The following PTPRA variants were observed in gnomAD, a reference collection of about 807,000 sequenced individuals.
PTPRA encodes the protein protein tyrosine phosphatase receptor type A.
PTPRA carries 25 observed loss-of-function variants against 104.8 expected under a neutral mutation model. The ratio of observed to expected loss-of-function variants is 0.24; its 90% CI spans 0.17 to 0.33. The LOEUF is 0.33. Ranked by LOEUF, PTPRA falls within the 10% of genes least tolerant of loss-of-function variation. The pLI is 1.00. For missense variants in PTPRA, 765 were observed against 1,015.3 expected (o/e 0.75, Z 3.35); for synonymous variants, 323 against 368.9 (o/e 0.88, Z 1.43).
At chr20:2,968,634 C>T (rs2062034276) in intron 5 of PTPRA, among the ~76,000 whole-genome samples, 1 of 152,114 alleles carries the variant, frequency 6.6e-6, no homozygotes, top group Non-Finnish European at 1.5e-5. Context: ...CAAAGGCCAG[C>T]TAGGCACAGT....
intron 1 of PTPRA, among the ~76,000 whole-genome samples, chr20:2,915,587 G>A (rs1054991064): frequency 1.3e-5 from 2 of 152,066 alleles, no homozygotes; most frequent in Admixed American, 6.6e-5. Flanking sequence ...AAATTTTGAC[G>A]AATTCCAATT....
intron 1 of PTPRA, among the ~76,000 whole-genome samples, chr20:2,919,262 T>G (rs1179213696): frequency 6.6e-6 from 1 of 152,236 alleles, no homozygotes; most frequent in Non-Finnish European, 1.5e-5. Context: ...GTGGGCCATG[T>G]CTGCCTGAGC....
At chr20:3,026,974 CA>C in intron 18 of PTPRA, 146 bp from the exon 19 acceptor site, 1 of 1,021,828 alleles carries the variant, frequency 9.8e-7, no homozygotes, top group Non-Finnish European at 1.5e-6. Flanking sequence ...ACGTAAAAGC[CA>C]AAGGCTTTCT....
intron 13 of PTPRA, among the ~76,000 whole-genome samples, chr20:3,018,650 C>G (rs1221181527): frequency 1.3e-5 from 2 of 151,718 alleles, no homozygotes; most frequent in South Asian, 2.1e-4. Flanking sequence ...GGCAACCATC[C>G]GATTTCTCAA....
intron 19 of PTPRA, 71 bp downstream of exon 19, chr20:3,027,268 C>G (rs996903501): frequency 3.5e-6 from 5 of 1,422,112 alleles, no homozygotes; most frequent in Admixed American, 1.7e-5. Flanking sequence ...CAGTGCCTCC[C>G]TCCCATACCT....
intron 6 of PTPRA, among the ~76,000 whole-genome samples, chr20:2,977,491 CA>C (rs2062485370): frequency 6.6e-6 from 1 of 151,548 alleles, no homozygotes; most frequent in Non-Finnish European, 1.5e-5. Context: ...ACTAAAAATA[CA>C]AAAATTAACC....
In PTPRA at chr20:2,950,573, G is replaced by A. The variant is rs1297072900; in HGVS notation, c.-7+2549G>A. On this transcript the variant is annotated intron_variant, in intron 3 of 23. Transcript: ENST00000399903. The surrounding 1 kb of genome is among the most constrained non-coding windows in gnomAD (Gnocchi z 4.0). Reference sequence around the variant, plus strand: ...CAGGAGAATGGCGTGAACCCAGGAGGCGGAGGTTGCAGTGAGCCGAGATCG... The same window carrying A: ...CAGGAGAATGGCGTGAACCCAGGAGACGGAGGTTGCAGTGAGCCGAGATCG... 6.6e-6 allele frequency among the ~76,000 whole-genome samples: 1 copy of A among 151,794 alleles called. No individual in the cohort carries two copies. Among genetic ancestry groups the A allele is most frequent in the African/African-American group, 2.4e-5 (1 of 41,324 alleles).
chr20:3,002,337 T>TC (rs1449992706), intron 9 of PTPRA, among the ~76,000 whole-genome samples: 1 of 150,410 alleles, frequency 6.6e-6, no homozygotes, highest in Admixed American at 6.6e-5. Context: ...TTTTTTTTTT[T>TC]TTTTTTGAGA....
rs2065216355 is a variant in PTPRA, at chr20:3,027,720, A to C, written c.1799A>C (p.Lys600Thr). 6.2e-7 allele frequency: 1 copy of C among 1,613,954 alleles called. No individual in the cohort carries two copies. Among genetic ancestry groups the C allele is most frequent in the African/African-American group, 1.3e-5 (1 of 74,920 alleles). ...TGGCCTGTGCAGGGCTACCGGCAGAAGGACTCCTATATCGCCAGCCAGGGC... is the reference window on the plus strand; with the variant it reads ...TGGCCTGTGCAGGGCTACCGGCAGACGGACTCCTATATCGCCAGCCAGGGC... Reference protein sequence around the residue: ...NASFIDGYRQKDSYIASQGPL... With the variant: ...NASFIDGYRQTDSYIASQGPL... The change falls in exon 20 of 24, where the codon AAG becomes ACG. Residue 600 changes from lysine (K) to threonine (T), a missense_variant. By Grantham distance (78) the Lys-to-Thr change is moderately conservative. Transcript: ENST00000399903.
chr20:3,034,281 A>G (rs1405977768), intron 20 of PTPRA, among the ~76,000 whole-genome samples: 1 of 152,162 alleles, frequency 6.6e-6, no homozygotes, highest in East Asian at 1.9e-4. Context: ...AAAAGAAAAA[A>G]AAAATGAGAC....
chr20:2,909,963 GATATATATATAATCTATCATATATC>G (rs2059587654), intron 1 of PTPRA, among the ~76,000 whole-genome samples: 2 of 113,450 alleles, frequency 1.8e-5, no homozygotes, highest in African/African-American at 8.0e-5. Context: ...TATAATATAT[GATATATATATAATCTATCATATATC>G]ATATATATAA....
chr20:3,013,977 A>G (rs2064309646), intron 11 of PTPRA, among the ~76,000 whole-genome samples: 1 of 152,222 alleles, frequency 6.6e-6, no homozygotes, highest in South Asian at 2.1e-4. Flanking sequence ...TGGGGCAGGA[A>G]GCACTTTGGG....
In PTPRA at chr20:3,003,503, T is replaced by C. The variant is rs553252562; in HGVS notation, c.739-1553T>C. Among the ~76,000 whole-genome samples the C allele has an allele frequency of 7.9e-5, 12 of 152,260 alleles. No homozygotes were observed. In the South Asian group the frequency reaches 2.3e-3, roughly 29 times the overall value. On this transcript the variant is annotated intron_variant, in intron 9 of 23. Coordinates refer to ENST00000399903, the MANE Select transcript of PTPRA (RefSeq NM_001385305.1). Reference sequence around the variant, plus strand: ...AAAATGTAATTTCCAAGTCACTTACTCGGAATTAGTGTTGGAATTTTAAAG... The same window carrying C: ...AAAATGTAATTTCCAAGTCACTTACCCGGAATTAGTGTTGGAATTTTAAAG...
chr20:2,866,880 C>T, the PTPRA span: 613 of 365,506 alleles, frequency 1.7e-3, 4 homozygotes, highest in African/African-American at 0.012. Context: ...CGTGTCCTCT[C>T]CACAGTTACC....
At chr20:3,020,964 T>C (rs1330408272) in intron 13 of PTPRA, among the ~76,000 whole-genome samples, 1 of 152,244 alleles carries the variant, frequency 6.6e-6, no homozygotes, top group Non-Finnish European at 1.5e-5. Flanking sequence ...CAAACAGGCT[T>C]TCTCCTAGAG....
chr20:2,981,763 C>T (rs944499288), intron 6 of PTPRA, among the ~76,000 whole-genome samples: 37 of 152,212 alleles, frequency 2.4e-4, no homozygotes, highest in African/African-American at 7.9e-4. Context: ...ACCTCAAGGT[C>T]CACTTTCAAC....
At chr20:2,975,271 C>G in intron 6 of PTPRA, 30 bp downstream of exon 6, 4 of 1,565,648 alleles carry the variant, frequency 2.6e-6, no homozygotes, top group Non-Finnish European at 2.6e-6. Flanking sequence ...TCTGTTGTTC[C>G]TTTTACACAG....
intron 8 of PTPRA, 31 bp downstream of exon 8, chr20:2,988,136 T>C: frequency 6.5e-7 from 1 of 1,544,926 alleles, no homozygotes; most frequent in Non-Finnish European, 8.9e-7. Context: ...ATGGGGAACC[T>C]TCACAAGGAA....
chr20:2,937,436 T>A (rs2060746803), intron 2 of PTPRA, among the ~76,000 whole-genome samples: 1 of 152,150 alleles, frequency 6.6e-6, no homozygotes, highest in Non-Finnish European at 1.5e-5. Flanking sequence ...CTTCCTTCTT[T>A]ATGGTACAGT....
Sources: gnomAD v4.1 joint callset for allele counts (sites outside exome capture counted in the v4.1 genomes callset) on GRCh38, gnomAD v4.1.1 for gene constraint, Gnocchi (gnomAD v3.1) non-coding constraint, MANE v1.5 for transcripts, NCBI Gene and HGNC (gene_info 2026-07-23, HGNC 2026-07-21) for gene names.